MECOM: variants seen among roughly 807,000 people sequenced by gnomAD.
MECOM encodes histone-lysine N-methyltransferase MECOM.
In MECOM, 13 loss-of-function variants were observed where a neutral mutation model predicts 116.3. The observed-to-expected ratio is 0.11, with a 90% CI of 0.07 to 0.18. The LOEUF is 0.18. Among genes scored for constraint, MECOM ranks in the 10% least tolerant of loss-of-function variants. MECOM has a pLI of 1.00. For synonymous variants in MECOM, 528 were observed against 535.2 expected, an observed-to-expected ratio of 0.99 and a Z score of 0.19; for missense variants, 1,299 against 1,509.0, an observed-to-expected ratio of 0.86 and a Z score of 2.31.
chr3:169,083,936 A>C lies in MECOM; in HGVS notation c.*973T>G, dbSNP rs1560094962. 8.8e-6 allele frequency: 2 copies of C among 226,536 alleles called. No individual in the cohort carries two copies. The highest frequency in any genetic ancestry group is 4.4e-5 in the African/African-American group (2 of 45,026). The allele number at this position is 226,536 out of a possible 1,614,324, so 14.0% of individuals were successfully genotyped here. ...TATTTAGTTCATTAAGAAGGAAAAC[A>C]AAACAAACAAACAAAAAGGAATGTT... On this transcript the variant is annotated 3_prime_UTR_variant, in exon 17 of 17. Coordinates refer to ENST00000651503, the MANE Select transcript of MECOM (RefSeq NM_004991.4).
At chr3:169,594,178 A>AAAATACACCTT (rs1553894686) in intron 1 of MECOM, among the ~76,000 whole-genome samples, 1 of 138,598 alleles carries the variant, frequency 7.2e-6, no homozygotes, top group Admixed American at 7.2e-5. Context: ...AAAAAAAAAC[A>AAAATACACCTT]CCTTTTCACC....
chr3:169,568,679 T>A (rs1236513780), intron 1 of MECOM, among the ~76,000 whole-genome samples: 2 of 152,168 alleles, frequency 1.3e-5, no homozygotes, highest in African/African-American at 4.8e-5. Context: ...ATTCCTCATC[T>A]CTGGGCAGAA....
intron 2 of MECOM, among the ~76,000 whole-genome samples, chr3:169,233,210 C>G (rs1753632652): frequency 6.6e-6 from 1 of 152,078 alleles, no homozygotes; most frequent in Non-Finnish European, 1.5e-5. Context: ...TACCTGGGTC[C>G]CAAACATGGT....
intron 2 of MECOM, chr3:169,145,601 A>G (rs1739650202): frequency 4.5e-6 from 1 of 224,702 alleles, no homozygotes; most frequent in African/African-American, 2.2e-5. Flanking sequence ...TTAATAAAGG[A>G]CATAGAATAA....
chr3:169,189,702 T>G (rs974587662), intron 2 of MECOM, among the ~76,000 whole-genome samples: 4 of 152,046 alleles, frequency 2.6e-5, no homozygotes, highest in Non-Finnish European at 1.5e-5. Context: ...CTTAAGAGTA[T>G]GTACACAAAC....
At chr3:169,651,112 T>G (rs1000539021) in intron 1 of MECOM, among the ~76,000 whole-genome samples, 1 of 152,196 alleles carries the variant, frequency 6.6e-6, no homozygotes, top group African/African-American at 2.4e-5. Context: ...CTTTCAACTT[T>G]TCCCCACTCA....
intron 2 of MECOM, among the ~76,000 whole-genome samples, chr3:169,250,645 TGTGA>T (rs1184028199): frequency 1.3e-5 from 2 of 152,234 alleles, no homozygotes; most frequent in African/African-American, 4.8e-5. Context: ...TTATTATGTC[TGTGA>T]GTAATTATTT....
At chr3:169,127,700 C>A (rs1733334374) in intron 5 of MECOM, 144 bp downstream of exon 5, 1 of 648,390 alleles carries the variant, frequency 1.5e-6, no homozygotes, top group South Asian at 1.9e-5. Context: ...AATATCCAGG[C>A]AAATATGATT....
intron 12 of MECOM, among the ~76,000 whole-genome samples, chr3:169,099,578 T>A (rs763039608): frequency 6.7e-6 from 1 of 149,742 alleles, no homozygotes; most frequent in Non-Finnish European, 1.5e-5. Flanking sequence ...ATTTCAATTA[T>A]CCTCAAATGA....
intron 2 of MECOM, among the ~76,000 whole-genome samples, chr3:169,354,871 C>A (rs1318928280): frequency 6.6e-6 from 1 of 151,860 alleles, no homozygotes; most frequent in Non-Finnish European, 1.5e-5. Context: ...CCCCTGGAGA[C>A]TGACCCCTTA....
In MECOM at chr3:169,355,918, G is replaced by T. The variant is rs1727198838; in HGVS notation, c.375+25269C>A. On this transcript the variant is annotated intron_variant, in intron 2 of 16. Coordinates refer to ENST00000651503, the MANE Select transcript of MECOM (RefSeq NM_004991.4). Reference sequence around the variant, plus strand: ...ATTGATTTTCATGAAAGGATTGAATGTTTGTTTTTGATGGGGATTTTTCTC... The same window carrying T: ...ATTGATTTTCATGAAAGGATTGAATTTTTGTTTTTGATGGGGATTTTTCTC... Among the ~76,000 whole-genome samples, 3 of 151,810 alleles carry T rather than the reference G, an allele frequency of 2.0e-5. No individual in the cohort carries two copies. The South Asian group carries it at 6.2e-4, about 32-fold the overall frequency.
intron 1 of MECOM, among the ~76,000 whole-genome samples, chr3:169,616,213 C>G (rs953670745): frequency 6.6e-6 from 1 of 152,148 alleles, no homozygotes; most frequent in Non-Finnish European, 1.5e-5. Flanking sequence ...GCAAAGGAGG[C>G]ATGGAGGCAT....
chr3:169,644,489 C>G (rs1051027494), intron 1 of MECOM, among the ~76,000 whole-genome samples: 1 of 151,960 alleles, frequency 6.6e-6, no homozygotes, highest in Non-Finnish European at 1.5e-5. Flanking sequence ...ACTCCTGACC[C>G]CAGGTGATCC....
intron 7 of MECOM, among the ~76,000 whole-genome samples, chr3:169,117,890 CG>C (rs1214907557): frequency 7.0e-6 from 1 of 142,536 alleles, no homozygotes; most frequent in East Asian, 2.0e-4. Flanking sequence ...TTTTACTTTA[CG>C]GGATTGAGCC....
At chr3:169,274,908 A>C (rs781499413) in intron 2 of MECOM, among the ~76,000 whole-genome samples, 27 of 152,194 alleles carry the variant, frequency 1.8e-4, no homozygotes, top group South Asian at 4.1e-4. Context: ...ATATAAACTA[A>C]AATAAAAGGC....
chr3:169,260,421 A>G (rs1343777812), intron 2 of MECOM, among the ~76,000 whole-genome samples: 4 of 151,518 alleles, frequency 2.6e-5, no homozygotes, highest in African/African-American at 9.7e-5. Context: ...CTCATTTTCC[A>G]GTTATTCTCT....
chr3:169,582,238 G>A (rs1190947543), intron 1 of MECOM, among the ~76,000 whole-genome samples: 2 of 152,072 alleles, frequency 1.3e-5, no homozygotes, highest in Non-Finnish European at 2.9e-5. Context: ...AATATCAAGC[G>A]AGAGTAGATG....
intron 1 of MECOM, among the ~76,000 whole-genome samples, chr3:169,471,363 GAAA>G (rs34583012): frequency 4.8e-5 from 7 of 146,072 alleles, no homozygotes; most frequent in African/African-American, 1.7e-4. Flanking sequence ...TTTACCTCAG[GAAA>G]AAAAAAAAAA....
intron 2 of MECOM, among the ~76,000 whole-genome samples, chr3:169,353,228 T>C (rs1726687166): frequency 1.3e-5 from 2 of 151,868 alleles, no homozygotes. Flanking sequence ...AAGAAAATCA[T>C]AGGATAATGA....
Sources: gnomAD v4.1 joint callset for allele counts (sites outside exome capture counted in the v4.1 genomes callset) on GRCh38, gnomAD v4.1.1 for gene constraint, MANE v1.5 for transcripts, NCBI Gene and HGNC (gene_info 2026-07-23, HGNC 2026-07-21) for gene names.